The following MED27 variants were observed in gnomAD, a reference collection of about 807,000 sequenced individuals.
The protein encoded by MED27 is mediator complex subunit 27, also known as mediator of RNA polymerase II transcription subunit 27.
MED27 carries 30 observed loss-of-function variants against 38.2 expected under a neutral mutation model. That is an observed-to-expected ratio of 0.79 (90% CI 0.59 to 1.07). MED27 has a LOEUF of 1.07. MED27 is among the 50% of genes least tolerant of loss of function. MED27 has a pLI of 0.00. For synonymous variants in MED27, 122 were observed against 153.5 expected, an observed-to-expected ratio of 0.79 and a Z score of 1.52; for missense variants, 289 against 397.5, an observed-to-expected ratio of 0.73 and a Z score of 2.32.
intron 6 of MED27, among the ~76,000 whole-genome samples, chr9:131,881,797 C>CTTATTTTT (rs1564266792): frequency 3.7e-5 from 2 of 53,836 alleles, no homozygotes; most frequent in African/African-American, 5.1e-5. Context: ...CCTTCTTCTT[C>CTTATTTTT]TTCTTTTTTT....
In MED27 at chr9:131,861,564, G is replaced by C. The variant is rs1756093936; in HGVS notation, c.802-892C>G. ...GTACTGTCCCCCTTTCCAAAGGCCAGGTGTTTGGGGGTTTTGGCAATAAAC... is the reference window on the plus strand; with the variant it reads ...GTACTGTCCCCCTTTCCAAAGGCCACGTGTTTGGGGGTTTTGGCAATAAAC... On this transcript the variant is annotated intron_variant, in intron 7 of 7. Coordinates refer to ENST00000292035, the MANE Select transcript of MED27 (RefSeq NM_004269.4). The surrounding 1 kb of genome is among the most constrained non-coding windows in gnomAD (Gnocchi z 4.4). Among the ~76,000 whole-genome samples, 1 of 152,182 alleles carries C rather than the reference G, an allele frequency of 6.6e-6. No individual in the cohort carries two copies. Among genetic ancestry groups the C allele is most frequent in the Non-Finnish European group, 1.5e-5 (1 of 68,040 alleles).
intron 3 of MED27, among the ~76,000 whole-genome samples, chr9:131,965,985 G>A (rs929132843): frequency 2.0e-5 from 3 of 150,436 alleles, no homozygotes; most frequent in African/African-American, 7.3e-5. Flanking sequence ...GACCTTCAGA[G>A]ACCCGGGAGT....
intron 2 of MED27, among the ~76,000 whole-genome samples, chr9:132,059,391 G>A (rs1833651581): frequency 6.6e-6 from 1 of 152,234 alleles, no homozygotes; most frequent in Non-Finnish European, 1.5e-5. Flanking sequence ...CTCTCAGGTT[G>A]ACACAAGATA....
chr9:132,036,244 C>T (rs1833074072), intron 2 of MED27, among the ~76,000 whole-genome samples: 1 of 152,112 alleles, frequency 6.6e-6, no homozygotes, highest in South Asian at 2.1e-4. Context: ...CTCTCTGTTG[C>T]CCATGCTGGA....
intron 2 of MED27, among the ~76,000 whole-genome samples, chr9:132,029,007 G>C (rs1832890286): frequency 6.6e-6 from 1 of 152,232 alleles, no homozygotes; most frequent in South Asian, 2.1e-4. Flanking sequence ...ATGCCACGGA[G>C]AGAAGCCTCA....
intron 6 of MED27, among the ~76,000 whole-genome samples, chr9:131,880,001 G>A (rs1839008117): frequency 6.6e-6 from 1 of 152,234 alleles, no homozygotes; most frequent in Non-Finnish European, 1.5e-5. Context: ...CTCTGAATCT[G>A]CAAAGGACAA....
At chr9:132,060,648 A>C (rs1340669413) in intron 2 of MED27, among the ~76,000 whole-genome samples, 1 of 152,134 alleles carries the variant, frequency 6.6e-6, no homozygotes, top group Admixed American at 6.6e-5. Flanking sequence ...TTTCAAACAA[A>C]ATGTTTCAAA....
chr9:131,875,020 C>T (rs1459704875), intron 6 of MED27, among the ~76,000 whole-genome samples: 1 of 152,154 alleles, frequency 6.6e-6, no homozygotes, highest in Non-Finnish European at 1.5e-5. Context: ...GAGAGAGACC[C>T]CGCCAAGAGG....
At chr9:132,039,204 T>C (rs1019245065) in intron 2 of MED27, among the ~76,000 whole-genome samples, 1 of 152,162 alleles carries the variant, frequency 6.6e-6, no homozygotes, top group Non-Finnish European at 1.5e-5. Context: ...ATTAAGAGAT[T>C]TGCCGTACAG....
At chr9:131,907,126 C>T (rs1431565000) in intron 4 of MED27, among the ~76,000 whole-genome samples, 1 of 152,186 alleles carries the variant, frequency 6.6e-6, no homozygotes, top group South Asian at 2.1e-4. Context: ...CCTGTTTTAT[C>T]AGCAAGGTGT....
chr9:131,898,707 T>C (rs1382588191), intron 4 of MED27, among the ~76,000 whole-genome samples: 1 of 151,692 alleles, frequency 6.6e-6, no homozygotes. Context: ...TCCTTGCCTT[T>C]TCTAGTTGCT....
In MED27 at chr9:132,077,601, GAC is replaced by G; in HGVS notation, c.204-17_204-16del. On this transcript the variant is annotated splice_polypyrimidine_tract_variant and intron_variant, in intron 1 of 7. Coordinates refer to ENST00000292035, the MANE Select transcript of MED27 (RefSeq NM_004269.4). ...GTTCCAGCTCACTGAAAAGCAAAGA[GAC>G]AAGGCAAATAAACCTAAGCCCATTT... 1 of 1,613,972 alleles carries G rather than the reference GAC, an allele frequency of 6.2e-7. No individual in the cohort carries two copies. The highest frequency in any genetic ancestry group is 8.5e-7 in the Non-Finnish European group (1 of 1,179,948).
chr9:131,986,356 T>G (rs1354156857), intron 3 of MED27, among the ~76,000 whole-genome samples: 1 of 152,160 alleles, frequency 6.6e-6, no homozygotes, highest in African/African-American at 2.4e-5. Flanking sequence ...CTTTTTGGTT[T>G]GTTTGTTATA....
chr9:132,071,336 G>A (rs1046050108), intron 2 of MED27, among the ~76,000 whole-genome samples: 4 of 151,378 alleles, frequency 2.6e-5, no homozygotes, highest in African/African-American at 9.7e-5. Context: ...TCCCATGAAT[G>A]AGCACACACA....
Position 132,049,937 on chromosome 9 carries a change from T to G in MED27, c.348+27505A>C, listed in dbSNP as rs149260757. Among the ~76,000 whole-genome samples, 691 of 152,256 alleles carry G rather than the reference T, an allele frequency of 4.5e-3. 3 individuals carry two copies. The highest frequency in any genetic ancestry group is 0.015 in the African/African-American group (626 of 41,506). On this transcript the variant is annotated intron_variant, in intron 2 of 7. Transcript: ENST00000292035. Reference sequence around the variant, plus strand: ...AATGTCTGTATGTTTTACACTATTTTAAGTTAAACTATTTTTTTTTTCCTC... The same window carrying G: ...AATGTCTGTATGTTTTACACTATTTGAAGTTAAACTATTTTTTTTTTCCTC...
At chr9:131,870,766 T>C (rs1224843421) in intron 6 of MED27, among the ~76,000 whole-genome samples, 1 of 152,136 alleles carries the variant, frequency 6.6e-6, no homozygotes, top group Non-Finnish European at 1.5e-5. Flanking sequence ...TCTCCTCACT[T>C]ACACCCCAGT....
At chr9:131,990,711 T>C (rs184004513) in intron 3 of MED27, among the ~76,000 whole-genome samples, 66 of 152,326 alleles carry the variant, frequency 4.3e-4, no homozygotes, top group African/African-American at 1.6e-3. Context: ...AAACCAGTCT[T>C]GTCCCAGGAA....
chr9:131,978,554 A>G (rs1173364305), intron 3 of MED27, among the ~76,000 whole-genome samples: 1 of 152,224 alleles, frequency 6.6e-6, no homozygotes, highest in Non-Finnish European at 1.5e-5. Context: ...TATGGATTAA[A>G]TGATATCTTA....
chr9:132,076,585 G>A (rs977271036), intron 2 of MED27, among the ~76,000 whole-genome samples: 1 of 152,056 alleles, frequency 6.6e-6, no homozygotes, highest in African/African-American at 2.4e-5. Context: ...ATTACTGGAG[G>A]GGGCACAACC....
Sources: gnomAD v4.1 joint callset for allele counts (sites outside exome capture counted in the v4.1 genomes callset) on GRCh38, gnomAD v4.1.1 for gene constraint, Gnocchi (gnomAD v3.1) non-coding constraint, MANE v1.5 for transcripts, NCBI Gene and HGNC (gene_info 2026-07-23, HGNC 2026-07-21) for gene names.